The following CACNA1C variants were observed in gnomAD, a reference collection of about 807,000 sequenced individuals.
CACNA1C encodes voltage-dependent L-type calcium channel subunit alpha-1C.
In CACNA1C, 30 loss-of-function variants were observed where a neutral mutation model predicts 229.0. The ratio of observed to expected loss-of-function variants is 0.13; its 90% CI spans 0.10 to 0.18. CACNA1C has a LOEUF of 0.18. Among genes scored for constraint, CACNA1C ranks in the 10% least tolerant of loss-of-function variants. CACNA1C has a pLI of 1.00. For synonymous variants in CACNA1C, 1,114 were observed against 1,132.5 expected (o/e 0.98, Z 0.33); for missense variants, 1,658 against 2,845.0 (o/e 0.58, Z 9.49).
At position 1,971,243 on chromosome 12, in the gene CACNA1C, T is replaced by C; in HGVS notation, c.139+42T>C. On this transcript the variant is annotated intron_variant, in intron 1 of 46. Transcript: ENST00000682462. This position sits in a 1 kb window ranked among gnomAD's most constrained non-coding sequence, Gnocchi z 4.2. ...TGAAATAAAGAGTAGGAAGAACATGTTGAAATTTACTCTAAATATCCTAAT... is the reference window on the plus strand; with the variant it reads ...TGAAATAAAGAGTAGGAAGAACATGCTGAAATTTACTCTAAATATCCTAAT... 8.6e-7 allele frequency: 1 copy of C among 1,159,350 alleles called. No homozygotes were observed. The highest frequency in any genetic ancestry group is 1.1e-6 in the Non-Finnish European group (1 of 873,052). The allele number at this position is 1,159,350 out of a possible 1,614,324, so 71.8% of individuals were successfully genotyped here.
At chr12:2,174,188 C>T (rs2096578014) in intron 3 of CACNA1C, among the ~76,000 whole-genome samples, 1 of 152,076 alleles carries the variant, frequency 6.6e-6, no homozygotes, top group Non-Finnish European at 1.5e-5. Flanking sequence ...TGGTGGCCAG[C>T]CTTCGAGGGC....
chr12:2,491,880 A>C (rs972162062), intron 6 of CACNA1C, among the ~76,000 whole-genome samples: 4 of 152,184 alleles, frequency 2.6e-5, no homozygotes, highest in Admixed American at 2.6e-4. Context: ...AAGTAATCAC[A>C]CTTACGATTG....
Position 2,106,407 on chromosome 12 carries a change from C to T in CACNA1C, c.50-8817C>T, listed in dbSNP as rs576646340. 1.5e-3 allele frequency among the ~76,000 whole-genome samples: 108 copies of T among 69,994 alleles called. 6 individuals are homozygous for T. The highest frequency in any genetic ancestry group is 5.2e-3 in the African/African-American group (101 of 19,446). 45.9% of individuals were successfully genotyped at this position (69,994 alleles called of 152,430 possible). ...GGGGAGGGTTTCCACCTGAGCTGGGCGTCCTGAAGCCACTGGGCGCCCACC... is the reference window on the plus strand; with the variant it reads ...GGGGAGGGTTTCCACCTGAGCTGGGTGTCCTGAAGCCACTGGGCGCCCACC... On this transcript the variant is annotated intron_variant, in intron 1 of 46. Coordinates refer to ENST00000399655, the MANE Select transcript of CACNA1C (RefSeq NM_000719.7).
intron 2 of CACNA1C, among the ~76,000 whole-genome samples, chr12:2,118,881 G>C (rs187614727): frequency 3.9e-5 from 6 of 152,330 alleles, no homozygotes; most frequent in African/African-American, 1.2e-4. Context: ...CAGGTCCACT[G>C]TGTGGCATCT....
intron 3 of CACNA1C, among the ~76,000 whole-genome samples, chr12:2,177,851 G>A (rs2096716162): frequency 6.6e-6 from 1 of 151,890 alleles, no homozygotes; most frequent in Non-Finnish European, 1.5e-5. Context: ...TGGCCAGGCA[G>A]GTCTTGAACT....
intron 4 of CACNA1C, among the ~76,000 whole-genome samples, chr12:2,450,348 A>G (rs372217076): frequency 2.0e-5 from 3 of 151,826 alleles, no homozygotes; most frequent in Non-Finnish European, 2.9e-5. Context: ...AGGTCAGGAG[A>G]TCGAGACCAT....
intron 3 of CACNA1C, among the ~76,000 whole-genome samples, chr12:2,448,452 C>T (rs974952374): frequency 2.6e-5 from 4 of 152,114 alleles, no homozygotes; most frequent in Non-Finnish European, 5.9e-5. Flanking sequence ...GGATCTTCAC[C>T]GTCTCCATTT....
At chr12:2,073,806 C>T (rs1056668139) in intron 1 of CACNA1C, among the ~76,000 whole-genome samples, 6 of 152,072 alleles carry the variant, frequency 3.9e-5, no homozygotes, top group African/African-American at 1.2e-4. Context: ...ATGATTTTGC[C>T]CAGCCTATGA....
At position 2,695,255 on chromosome 12, in the gene CACNA1C, C is replaced by T. The variant is rs1156310824; in HGVS notation, c.*4056C>T. ...CCAGTTCATGGAAGGATGTGTTCAG[C>T]TTACCCACCCACAGTGACCAGTGTG... On this transcript the variant is annotated 3_prime_UTR_variant, in exon 47 of 47. Transcript: ENST00000399655. 6.6e-6 allele frequency: 1 copy of T among 152,258 alleles called. No individual in the cohort carries two copies. Among genetic ancestry groups the T allele is most frequent in the African/African-American group, 2.4e-5 (1 of 41,464 alleles). 9.4% of individuals were successfully genotyped at this position (152,258 alleles called of 1,614,324 possible).
At chr12:2,098,255 T>C (rs988555635) in intron 1 of CACNA1C, among the ~76,000 whole-genome samples, 2 of 152,226 alleles carry the variant, frequency 1.3e-5, no homozygotes, top group African/African-American at 2.4e-5. Flanking sequence ...GTCTGCCTGC[T>C]GTCTGGTGGG....
intron 43 of CACNA1C, 68 bp downstream of exon 43, chr12:2,682,746 G>A (rs2097208637): frequency 1.3e-6 from 2 of 1,523,464 alleles, no homozygotes; most frequent in African/African-American, 1.4e-5. Context: ...GCAGAGGCAG[G>A]TCCCTGAGAT....
At chr12:2,498,671 C>T (rs2099752233) in intron 7 of CACNA1C, among the ~76,000 whole-genome samples, 1 of 152,212 alleles carries the variant, frequency 6.6e-6, no homozygotes, top group Admixed American at 6.5e-5. Context: ...GGTCAGTGCC[C>T]TCTGTGGGAG....
rs545640221 is a variant in CACNA1C, at chr12:2,350,913, G to C, written c.478-98063G>C. Among the ~76,000 whole-genome samples, 10 of 152,346 alleles carry C rather than the reference G, an allele frequency of 6.6e-5. No homozygotes were observed. In the South Asian group the frequency reaches 2.1e-3, roughly 32 times the overall value. On this transcript the variant is annotated intron_variant, in intron 3 of 46. Transcript: ENST00000399655. The stretch of plus-strand genomic sequence containing the variant: ...AGGACCTGTCGAATCAAGCAAGGAT[G>C]ATGGAGAAGCCCTTGGATGTCCATC...
chr12:2,057,372 G>T (rs1380129887), intron 1 of CACNA1C, among the ~76,000 whole-genome samples: 2 of 152,348 alleles, frequency 1.3e-5, no homozygotes, highest in African/African-American at 2.4e-5. Flanking sequence ...AGTAGATGTG[G>T]CTTCTGCCTC....
At chr12:1,977,156 A>G (rs1348749537) in intron 1 of CACNA1C, among the ~76,000 whole-genome samples, 1 of 152,238 alleles carries the variant, frequency 6.6e-6, no homozygotes, top group Admixed American at 6.5e-5. Context: ...GAAAAGACGT[A>G]ACAAAGTCTC....
intron 3 of CACNA1C, among the ~76,000 whole-genome samples, chr12:2,353,765 C>T (rs1245389217): frequency 6.6e-6 from 1 of 152,126 alleles, no homozygotes; most frequent in Non-Finnish European, 1.5e-5. Flanking sequence ...AGTGCAGGCC[C>T]AGGGCTGAGA....
intron 3 of CACNA1C, among the ~76,000 whole-genome samples, chr12:2,370,577 C>T (rs1260554693): frequency 6.6e-6 from 1 of 152,094 alleles, no homozygotes; most frequent in East Asian, 1.9e-4. Flanking sequence ...ATATGGACAG[C>T]ATATGAATTT....
chr12:2,624,940 A>G (rs528367010), intron 29 of CACNA1C, among the ~76,000 whole-genome samples: 35 of 152,328 alleles, frequency 2.3e-4, no homozygotes, highest in African/African-American at 7.7e-4. Context: ...AGCCTTCGCC[A>G]TCGGCACAGA....
chr12:2,091,825 A>G (rs2071253992), intron 1 of CACNA1C, among the ~76,000 whole-genome samples: 1 of 152,118 alleles, frequency 6.6e-6, no homozygotes, highest in South Asian at 2.1e-4. Flanking sequence ...TCTGGACTTA[A>G]ACTTTACCCT....
Sources: allele counts gnomAD v4.1 joint callset (sites outside exome capture counted in the v4.1 genomes callset), GRCh38; gene constraint gnomAD v4.1.1; non-coding constraint Gnocchi (gnomAD v3.1); transcripts MANE v1.5; gene names NCBI Gene and HGNC (gene_info 2026-07-23, HGNC 2026-07-21).